WLS: variants seen among roughly 807,000 people sequenced by gnomAD.
The protein encoded by WLS is Wnt ligand secretion mediator, also known as protein wntless homolog.
Under a neutral mutation model 62.8 loss-of-function variants are expected in WLS, and 23 were observed. The observed-to-expected ratio is 0.37, with a 90% CI of 0.26 to 0.52. The LOEUF is 0.52. Among genes scored for constraint, WLS ranks in the 20% least tolerant of loss-of-function variants. The pLI is 0.92. For missense variants in WLS, 615 were observed against 697.3 expected, an observed-to-expected ratio of 0.88 and a Z score of 1.33; for synonymous variants, 246 against 244.1, an observed-to-expected ratio of 1.01 and a Z score of -0.07.
At chr1:68,167,237 A>T (rs1002164604) in intron 2 of WLS, among the ~76,000 whole-genome samples, 4 of 152,210 alleles carry the variant, frequency 2.6e-5, no homozygotes, top group Non-Finnish European at 5.9e-5. Flanking sequence ...CAAAATAATT[A>T]CCAGGTTTCA....
At chr1:68,165,613 G>A (rs2100522682) in intron 2 of WLS, among the ~76,000 whole-genome samples, 1 of 152,288 alleles carries the variant, frequency 6.6e-6, no homozygotes, top group Middle Eastern at 3.4e-3. Context: ...CAGAGCTTGA[G>A]CTCGGAGGTT....
At chr1:68,223,282 T>C (rs1339501317) in intron 1 of WLS, among the ~76,000 whole-genome samples, 1 of 152,202 alleles carries the variant, frequency 6.6e-6, no homozygotes, top group East Asian at 1.9e-4. Flanking sequence ...TGCAATAACA[T>C]TAATATTTAT....
intron 1 of WLS, among the ~76,000 whole-genome samples, chr1:68,205,177 C>G (rs933433859): frequency 6.6e-6 from 1 of 152,140 alleles, no homozygotes; most frequent in South Asian, 2.1e-4. Context: ...AGCTGCCTTC[C>G]GTGAGGTCAG....
At chr1:68,155,523 T>TAAAA (rs1205899304) in intron 3 of WLS, among the ~76,000 whole-genome samples, 11 of 152,248 alleles carry the variant, frequency 7.2e-5, no homozygotes, top group Admixed American at 2.0e-4. Context: ...CAGAGATACC[T>TAAAA]TCCTTCTATC....
chr1:68,134,037 TAA>T (rs1170428050), intron 11 of WLS, among the ~76,000 whole-genome samples: 1 of 152,056 alleles, frequency 6.6e-6, no homozygotes, highest in Non-Finnish European at 1.5e-5. Context: ...AAAGCCAACT[TAA>T]AGACTTCCCA....
intron 2 of WLS, among the ~76,000 whole-genome samples, chr1:68,179,276 A>C (rs549604141): frequency 6.6e-6 from 1 of 152,246 alleles, no homozygotes; most frequent in African/African-American, 2.4e-5. Flanking sequence ...TGAGTCATGG[A>C]CTCTCAACTT....
chr1:68,227,453 A>G (rs1650206926), intron 1 of WLS, among the ~76,000 whole-genome samples: 2 of 151,616 alleles, frequency 1.3e-5, no homozygotes, highest in South Asian at 4.2e-4. Flanking sequence ...TAGCATGAGC[A>G]TGATTACACT....
intron 1 of WLS, among the ~76,000 whole-genome samples, chr1:68,227,326 A>G (rs1170764851): frequency 6.6e-6 from 1 of 150,542 alleles, no homozygotes; most frequent in Non-Finnish European, 1.5e-5. Flanking sequence ...CTGAGGCAGG[A>G]GAATCACTTG....
At chr1:68,227,504 G>A (rs1223954118) in intron 1 of WLS, among the ~76,000 whole-genome samples, 2 of 149,874 alleles carry the variant, frequency 1.3e-5, no homozygotes, top group African/African-American at 4.9e-5. Flanking sequence ...GTCAAATATT[G>A]TAATTTCAAT....
chr1:68,166,770 G>A (rs928125475), intron 2 of WLS, among the ~76,000 whole-genome samples: 2 of 152,138 alleles, frequency 1.3e-5, no homozygotes, highest in African/African-American at 4.8e-5. Context: ...ATGTTCTGCC[G>A]TCTCTTCACG....
chr1:68,120,711 TGTGTGTGCGC>T (rs1489505702), downstream of WLS, among the ~76,000 whole-genome samples: 6 of 129,868 alleles, frequency 4.6e-5, no homozygotes, highest in East Asian at 2.7e-4. Flanking sequence ...TGTGTGTGTG[TGTGTGTGCGC>T]GCGCGCACAT....
chr1:68,154,393 G>T (rs1029392475), intron 4 of WLS, among the ~76,000 whole-genome samples: 18 of 151,978 alleles, frequency 1.2e-4, no homozygotes, highest in African/African-American at 4.1e-4. Context: ...TAAGTGTTAA[G>T]GTAAATCTAT....
chr1:68,133,686 G>A (rs1470855418), intron 11 of WLS, among the ~76,000 whole-genome samples: 1 of 152,158 alleles, frequency 6.6e-6, no homozygotes, highest in Non-Finnish European at 1.5e-5. Context: ...TGAACCTGTG[G>A]CCCACTTTGT....
At chr1:68,210,727 G>A (rs1018282908) in intron 1 of WLS, among the ~76,000 whole-genome samples, 4 of 152,084 alleles carry the variant, frequency 2.6e-5, no homozygotes, top group African/African-American at 9.7e-5. Context: ...TCCACTGGGC[G>A]GAAAGCCCCA....
chr1:68,160,564 A>G (rs928091972), intron 2 of WLS, among the ~76,000 whole-genome samples: 2 of 152,342 alleles, frequency 1.3e-5, no homozygotes, highest in African/African-American at 4.8e-5. Context: ...AGTGAGATGT[A>G]CTTGAATTTC....
At position 68,177,126 on chromosome 1, in the gene WLS, C is replaced by T. The variant is rs986768127; in HGVS notation, c.379+16829G>A. ...TATAATTAAATCATGCCTGTGGGCACATTCTCCTAAGGATGCTAAGAATTT... is the reference window on the plus strand; with the variant it reads ...TATAATTAAATCATGCCTGTGGGCATATTCTCCTAAGGATGCTAAGAATTT... On this transcript the variant is annotated intron_variant, in intron 2 of 11. Transcript: ENST00000262348. Among the ~76,000 whole-genome samples, 3 of 152,216 alleles carry T rather than the reference C, an allele frequency of 2.0e-5. No homozygotes were observed. In the East Asian group the frequency reaches 5.8e-4, roughly 29 times the overall value.
At chr1:68,194,559 G>A (rs1269186004) in intron 1 of WLS, among the ~76,000 whole-genome samples, 1 of 152,204 alleles carries the variant, frequency 6.6e-6, no homozygotes, top group Non-Finnish European at 1.5e-5. Context: ...AGGTCTTGGA[G>A]AGCTCTGGTG....
chr1:68,155,909 T>C (rs1446014924), intron 3 of WLS, among the ~76,000 whole-genome samples: 1 of 152,172 alleles, frequency 6.6e-6, no homozygotes, highest in Admixed American at 6.5e-5. Flanking sequence ...CTGCCTCCGG[T>C]GCTTCCTAAC....
chr1:68,098,621 G>T, exon 12 of WLS: 1 of 1,613,210 alleles, frequency 6.2e-7, no homozygotes, highest in Non-Finnish European at 8.5e-7. Context: ...AACATGTGTT[G>T]CCTTGTTGAC....
Sources: allele counts gnomAD v4.1 joint callset (sites outside exome capture counted in the v4.1 genomes callset), GRCh38; gene constraint gnomAD v4.1.1; transcripts MANE v1.5; gene names NCBI Gene and HGNC (gene_info 2026-07-23, HGNC 2026-07-21).